Variants in EXT1 observed in about 807,000 individuals in gnomAD.
EXT1 encodes exostosin-1.
Under a neutral mutation model 82.5 loss-of-function variants are expected in EXT1, and 20 were observed. The ratio of observed to expected loss-of-function variants is 0.24; its 90% CI spans 0.17 to 0.35. The LOEUF is 0.35. Among genes scored for constraint, EXT1 ranks in the 10% least tolerant of loss-of-function variants. The pLI is 1.00. For synonymous variants in EXT1, 348 were observed against 350.8 expected (o/e 0.99, Z 0.09); for missense variants, 757 against 936.5 (o/e 0.81, Z 2.50).
chr8:117,922,990 G>A (rs1015342283), intron 1 of EXT1, among the ~76,000 whole-genome samples: 4 of 151,792 alleles, frequency 2.6e-5, no homozygotes, highest in Non-Finnish European at 5.9e-5. Flanking sequence ...AGAAGCAGGA[G>A]GATGCAAGAG....
At chr8:117,920,444 C>T (rs931505934) in intron 1 of EXT1, among the ~76,000 whole-genome samples, 2 of 152,128 alleles carry the variant, frequency 1.3e-5, no homozygotes, top group African/African-American at 4.8e-5. Context: ...GTGACTTCAA[C>T]AGTAAAATCA....
intron 1 of EXT1, among the ~76,000 whole-genome samples, chr8:118,109,055 T>C (rs1817844622): frequency 6.6e-6 from 1 of 152,150 alleles, no homozygotes; most frequent in Non-Finnish European, 1.5e-5. Flanking sequence ...CAACCCCACC[T>C]ACTAGGAAAC....
At chr8:117,950,971 G>C (rs1016557112) in intron 1 of EXT1, among the ~76,000 whole-genome samples, 1 of 152,054 alleles carries the variant, frequency 6.6e-6, no homozygotes, top group Non-Finnish European at 1.5e-5. Flanking sequence ...TTATATTTTG[G>C]GGGGAGCCTT....
chr8:118,001,084 G>C (rs2129810185), intron 1 of EXT1, among the ~76,000 whole-genome samples: 1 of 152,318 alleles, frequency 6.6e-6, no homozygotes, highest in African/African-American at 2.4e-5. Context: ...TGACAGGTGA[G>C]TAACACAAAG....
Position 117,968,632 on chromosome 8 carries a change from T to A in EXT1, c.963-131431A>T, listed in dbSNP as rs1414472986. The stretch of plus-strand genomic sequence containing the variant: ...TCACCCAGGCTGGAGTGCAGTGGCT[T>A]GATCTCGGCTCACTGCAAGCTCCAC... On this transcript the variant is annotated intron_variant, in intron 1 of 10. Coordinates refer to ENST00000378204, the MANE Select transcript of EXT1 (RefSeq NM_000127.3). 3.0e-5 allele frequency among the ~76,000 whole-genome samples: 2 copies of A among 66,306 alleles called. 1 individual carries two copies. The highest frequency in any genetic ancestry group is 3.1e-4 in the Admixed American group (2 of 6,450). The allele number at this position is 66,306 out of a possible 152,430, so 43.5% of individuals were successfully genotyped here.
In EXT1 at chr8:117,798,645, C is replaced by T. The variant is rs1459237220; in HGVS notation, c.*1067G>A. 6.6e-6 allele frequency: 1 copy of T among 152,228 alleles called. No homozygotes were observed. The highest frequency in any genetic ancestry group is 2.4e-5 in the African/African-American group (1 of 41,460). The allele number at this position is 152,228 out of a possible 1,614,324, so 9.4% of individuals were successfully genotyped here. A position where few individuals can be genotyped will look rare whatever the true frequency, so the allele number is the denominator to read the frequency against. On this transcript the variant is annotated 3_prime_UTR_variant, in exon 11 of 11. Coordinates refer to ENST00000378204, the MANE Select transcript of EXT1 (RefSeq NM_000127.3). ...GGGTCCCAATGGCGAGACATCTCCTCAGTTACTTTGCAGCAATCCTCTTGT... is the reference window on the plus strand; with the variant it reads ...GGGTCCCAATGGCGAGACATCTCCTTAGTTACTTTGCAGCAATCCTCTTGT...
chr8:117,960,495 G>A (rs1440889480), intron 1 of EXT1, among the ~76,000 whole-genome samples: 4 of 152,112 alleles, frequency 2.6e-5, no homozygotes, highest in Non-Finnish European at 5.9e-5. Flanking sequence ...CCCTGTCTTA[G>A]AGGAACTCAA....
In EXT1 at chr8:118,111,047, G is replaced by A; in HGVS notation, c.-1C>T. On this transcript the variant is annotated 5_prime_UTR_variant, in exon 1 of 11. Transcript: ENST00000378204. ...TGAAATAGCGTTTTTTGGCCTGCATGTGTCCTGCCTGGGTCAAGAGGATTG... is the reference window on the plus strand; with the variant it reads ...TGAAATAGCGTTTTTTGGCCTGCATATGTCCTGCCTGGGTCAAGAGGATTG... 6.3e-7 allele frequency: 1 copy of A among 1,592,504 alleles called. No individual in the cohort carries two copies. Among genetic ancestry groups the A allele is most frequent in the Non-Finnish European group, 8.5e-7 (1 of 1,175,854 alleles).
chr8:117,837,563 G>GCTT (rs1812207582), intron 1 of EXT1, among the ~76,000 whole-genome samples: 1 of 152,070 alleles, frequency 6.6e-6, no homozygotes, highest in Non-Finnish European at 1.5e-5. Context: ...AATTACTGGT[G>GCTT]CTTCTCCTTC....
chr8:117,892,236 C>G (rs1041471503), intron 1 of EXT1, among the ~76,000 whole-genome samples: 1 of 152,214 alleles, frequency 6.6e-6, no homozygotes, highest in Admixed American at 6.5e-5. Flanking sequence ...CACCCCAGAA[C>G]TACACAGGCC....
intron 1 of EXT1, among the ~76,000 whole-genome samples, chr8:117,963,578 C>T (rs1247025626): frequency 6.6e-6 from 1 of 152,138 alleles, no homozygotes; most frequent in East Asian, 1.9e-4. Context: ...GCAACCTCCA[C>T]CTCCCGGGTT....
At position 117,883,146 on chromosome 8, in the gene EXT1, AG is replaced by A. The variant is rs1813090819; in HGVS notation, c.963-45946del. The stretch of plus-strand genomic sequence containing the variant: ...ACTAATGCATACTCAATATTCAGTG[AG>A]GGGTTCTAACCCAGCTAGCACACCC... On this transcript the variant is annotated intron_variant, in intron 1 of 10. Coordinates refer to ENST00000378204, the MANE Select transcript of EXT1 (RefSeq NM_000127.3). 3.3e-5 allele frequency among the ~76,000 whole-genome samples: 5 copies of A among 152,212 alleles called. No homozygotes were observed. The South Asian group carries it at 1.0e-3, about 32-fold the overall frequency.
At chr8:117,818,709 T>G (rs1336890654) in intron 6 of EXT1, among the ~76,000 whole-genome samples, 179 bp from the exon 7 acceptor site, 1 of 152,034 alleles carries the variant, frequency 6.6e-6, no homozygotes, top group Non-Finnish European at 1.5e-5. Flanking sequence ...CCTCAGAACA[T>G]TATCACCCCA....
chr8:117,851,818 C>T (rs1812459919), intron 1 of EXT1, among the ~76,000 whole-genome samples: 1 of 151,954 alleles, frequency 6.6e-6, no homozygotes, highest in Admixed American at 6.6e-5. Flanking sequence ...GTGTTTGGGC[C>T]CTGGTAGTAA....
At chr8:117,815,807 G>A (rs1427238548) in intron 7 of EXT1, among the ~76,000 whole-genome samples, 1 of 152,116 alleles carries the variant, frequency 6.6e-6, no homozygotes, top group Non-Finnish European at 1.5e-5. Flanking sequence ...GCGCATGCCT[G>A]TAGTTCCAGC....
chr8:118,004,305 G>A (rs967324266), intron 1 of EXT1, among the ~76,000 whole-genome samples: 5 of 152,232 alleles, frequency 3.3e-5, no homozygotes, highest in Admixed American at 6.5e-5. Flanking sequence ...TGTGCAAATT[G>A]TGTATGCACG....
chr8:117,854,982 T>C (rs1204827921), intron 1 of EXT1, among the ~76,000 whole-genome samples: 3 of 152,222 alleles, frequency 2.0e-5, no homozygotes, highest in African/African-American at 7.2e-5. Flanking sequence ...CCCATTGCAA[T>C]GAGTAATTCA....
chr8:117,799,815 C>A lies in EXT1; in HGVS notation c.2138G>T (p.Gly713Val). 1 of 1,614,164 alleles carries A rather than the reference C, an allele frequency of 6.2e-7. No homozygotes were observed. Among genetic ancestry groups the A allele is most frequent in the Non-Finnish European group, 8.5e-7 (1 of 1,180,036 alleles). The change falls in exon 11 of 11, where the codon GGC becomes GTC. Residue 713 changes from glycine to valine, a missense_variant. By Grantham distance (109) the Gly-to-Val change is moderately radical. This residue lies in a region of EXT1 where 128 missense variants were observed against 223.2 expected (regional missense o/e 0.57). Coordinates refer to ENST00000378204, the MANE Select transcript of EXT1 (RefSeq NM_000127.3). Reference protein sequence around the residue: ...SCMNTFASWFGYMPLIHSQMR... With the variant: ...SCMNTFASWFVYMPLIHSQMR... ...CTGAGAGTGGATCAGCGGCATGTAG[C>A]CAAACCAGCTGGCAAACGTATTCAT...
At chr8:118,041,180 A>G (rs908444444) in intron 1 of EXT1, among the ~76,000 whole-genome samples, 1 of 152,212 alleles carries the variant, frequency 6.6e-6, no homozygotes, top group African/African-American at 2.4e-5. Flanking sequence ...AGTCTGAAAA[A>G]GTCATTAAAA....
Sources: gnomAD v4.1 joint callset for allele counts (sites outside exome capture counted in the v4.1 genomes callset) on GRCh38, gnomAD v4.1.1 for gene constraint, gnomAD v4.1.1 regional missense constraint, MANE v1.5 for transcripts, NCBI Gene and HGNC (gene_info 2026-07-23, HGNC 2026-07-21) for gene names.